Variants in TBRG4 observed in about 807,000 individuals in gnomAD.
TBRG4 encodes transforming growth factor beta regulator 4.
Under a neutral mutation model 65.6 loss-of-function variants are expected in TBRG4, and 43 were observed. The observed-to-expected ratio is 0.66, with a 90% confidence interval of 0.51 to 0.85. The LOEUF (loss-of-function observed/expected upper bound fraction) is 0.85. Among genes scored for constraint, TBRG4 ranks in the 40% least tolerant of loss-of-function variants. The probability of loss-of-function intolerance (pLI) is 0.00; values close to 1 mark genes in which losing one functional copy is unlikely to be tolerated. For synonymous variants in TBRG4, 366 were observed against 341.4 expected (o/e 1.07, Z -0.79); for missense variants, 709 against 787.9 (o/e 0.90, Z 1.20).
At chr7:45,104,997 A>C (rs1562936133) in intron 3 of TBRG4, 2 of 743,840 alleles carry the variant, frequency 2.7e-6, no homozygotes, top group Non-Finnish European at 4.9e-6. Flanking sequence ...CATCTGGGCC[A>C]GCCCCCGCTA....
Position 45,109,223 on chromosome 7 carries a change from C to A in TBRG4, c.15G>T (p.Leu5=). 6.3e-7 allele frequency: 1 copy of A among 1,598,124 alleles called. No individual in the cohort carries two copies. The highest frequency in any genetic ancestry group is 8.5e-7 in the Non-Finnish European group (1 of 1,172,150). The change falls in exon 2 of 11, where the codon CTG becomes CTT. Residue 5 remains leucine, a synonymous_variant. Transcript: ENST00000258770. MAAH[L]VKRCTCLLRE... is the part of the protein sequence containing the mutation. ...TCAGGAGGCACGTGCATCGCTTTAC[C>A]AGGTGAGCTGCCATGATGTCCTGGG...
intron 10 of TBRG4, 30 bp downstream of exon 10, chr7:45,101,228 G>T: frequency 6.2e-7 from 1 of 1,600,900 alleles, no homozygotes; most frequent in Non-Finnish European, 8.5e-7. Flanking sequence ...TTCTCCCTGT[G>T]CAGTGACCAC....
intron 4 of TBRG4, 83 bp from the exon 5 acceptor site, chr7:45,104,339 T>C: frequency 1.2e-6 from 2 of 1,602,654 alleles, no homozygotes; most frequent in Non-Finnish European, 8.5e-7. Flanking sequence ...AGCCTCGAGG[T>C]CTAGATATTT....
rs139930039 is a variant in TBRG4 at position 45,109,143 on chromosome 7, G to A, written c.95C>T (p.Ala32Val). 1 of 1,614,166 alleles carries A rather than the reference G, an allele frequency of 6.2e-7. No homozygotes were observed. The highest frequency in any genetic ancestry group is 1.7e-5 in the Admixed American group (1 of 60,024). ...AMAPVGRLRL[A>V]WVAHKTLTSS... ...AGTCAGAGTCTTATGGGCTACCCAGGCAAGTCTCAGTCGGCCAACTGGAGC... is the reference window on the plus strand; with the variant it reads ...AGTCAGAGTCTTATGGGCTACCCAGACAAGTCTCAGTCGGCCAACTGGAGC... Residue 32 changes from alanine (A) to valine (V), a missense_variant, in exon 2 of 11, where the codon GCC (alanine) becomes GTC (valine). By Grantham distance (64) the Ala-to-Val change is moderately conservative. Coordinates refer to ENST00000258770, the MANE Select transcript of TBRG4 (RefSeq NM_004749.4).
intron 1 of TBRG4, among the ~76,000 whole-genome samples, chr7:45,109,593 G>C (rs1025007862): frequency 2.6e-5 from 4 of 152,072 alleles, no homozygotes; most frequent in Non-Finnish European, 5.9e-5. Context: ...TCCTGCCCAA[G>C]GCCTCCTAAA....
Position 45,105,347 on chromosome 7 carries a change from A to T in TBRG4, c.735+94T>A. ...TCCCAGGGCTCTGATCCCAGTGCAC[A>T]CAACGCACCCCTCTGCAGACAACTG... On this transcript the variant is annotated intron_variant, in intron 3 of 10. Transcript: ENST00000258770. The T allele has an allele frequency of 8.0e-6, 11 of 1,376,150 alleles. No individual in the cohort carries two copies. The South Asian group carries it at 1.5e-4, about 19-fold the overall frequency. The allele number at this position is 1,376,150 out of a possible 1,614,324, so 85.2% of individuals were successfully genotyped here. A position where few individuals can be genotyped will look rare whatever the true frequency, so the allele number is the denominator to read the frequency against.
chr7:45,105,207 C>T (rs1562936249), intron 3 of TBRG4: 14 of 611,694 alleles, frequency 2.3e-5, no homozygotes, highest in East Asian at 1.7e-4. Context: ...AGGGAAGCGC[C>T]TGTGTTGGGA....
At chr7:45,103,211 A>C in intron 6 of TBRG4, 122 bp downstream of exon 6, 6 of 739,540 alleles carry the variant, frequency 8.1e-6, no homozygotes, top group Non-Finnish European at 1.4e-5. Context: ...CTGCCCTCCC[A>C]TGCCACACAT....
In TBRG4 at chr7:45,109,176, G is replaced by C. The variant is rs1476842532; in HGVS notation, c.62C>G (p.Pro21Arg). 1.2e-6 allele frequency: 2 copies of C among 1,613,534 alleles called. No individual in the cohort carries two copies. Among genetic ancestry groups the C allele is most frequent in the African/African-American group, 1.3e-5 (1 of 74,918 alleles). ...CLLREAARQAPAMAPVGRLRL... is the reference protein window; with the variant it reads ...CLLREAARQARAMAPVGRLRL... ...CAGTCGGCCAACTGGAGCCATGGCAGGGGCCTGACGAGCAGCTTCTCTCAG... is the reference window on the plus strand; with the variant it reads ...CAGTCGGCCAACTGGAGCCATGGCACGGGCCTGACGAGCAGCTTCTCTCAG... Residue 21 changes from proline to arginine, a missense_variant, in exon 2 of 11, where the codon CCT becomes CGT. Pro to Arg is a moderately radical substitution (Grantham distance 103). Coordinates refer to ENST00000258770, the MANE Select transcript of TBRG4 (RefSeq NM_004749.4).
At chr7:45,109,435 A>C in intron 1 of TBRG4, 148 bp from the exon 2 acceptor site, 1 of 657,172 alleles carries the variant, frequency 1.5e-6, no homozygotes, top group Non-Finnish European at 2.3e-6. Context: ...GTATTTTCTA[A>C]AGCAAAAGTC....
chr7:45,104,304 T>C, intron 4 of TBRG4, 48 bp from the exon 5 acceptor site: 2 of 1,611,736 alleles, frequency 1.2e-6, no homozygotes, highest in Non-Finnish European at 1.7e-6. Flanking sequence ...GAGTCAGCAA[T>C]CACCCAGCAG....
rs1246895319 is a variant in TBRG4, at chr7:45,105,514, G to T, written c.662C>A (p.Ser221Tyr). ...CATCATGACGGTCACTAATGTGTGG[G>T]AATCTTCAATTTCTGTCCAACGCCT... ...LERRWTEIED[S>Y]HTLVTVMMKV... Residue 221 changes from serine (S) to tyrosine (Y), a missense_variant, in exon 3 of 11, where the codon TCC becomes TAC. Transcript: ENST00000258770. The T allele has an allele frequency of 1.2e-6, 2 of 1,614,068 alleles. No homozygotes were observed. The highest frequency in any genetic ancestry group is 1.7e-6 in the Non-Finnish European group (2 of 1,180,044).
intron 7 of TBRG4, 97 bp from the exon 8 acceptor site, chr7:45,102,167 CCA>C: frequency 6.5e-6 from 10 of 1,529,948 alleles, no homozygotes; most frequent in Non-Finnish European, 8.8e-6. Context: ...CAGTCCCAGC[CCA>C]GTTTTCTGGG....
In TBRG4 at chr7:45,100,214, C is replaced by A; in HGVS notation, c.*111G>T. Reference sequence around the variant, plus strand: ...CCCTCAGAGTGGCTGGCCACCCTCCCCACTCTGGCCAAGGTCCTGCACAGA... The same window carrying A: ...CCCTCAGAGTGGCTGGCCACCCTCCACACTCTGGCCAAGGTCCTGCACAGA... On this transcript the variant is annotated 3_prime_UTR_variant, in exon 11 of 11. Coordinates refer to ENST00000258770, the MANE Select transcript of TBRG4 (RefSeq NM_004749.4). The A allele has an allele frequency of 1.2e-6, 1 of 810,570 alleles. No individual in the cohort carries two copies. Among genetic ancestry groups the A allele is most frequent in the South Asian group, 1.8e-5 (1 of 56,358 alleles). 50.2% of individuals were successfully genotyped at this position (810,570 alleles called of 1,614,324 possible). A position where few individuals can be genotyped will look rare whatever the true frequency, so the allele number is the denominator to read the frequency against.
In TBRG4 at chr7:45,110,309, C is replaced by T. The variant is rs116443946; in HGVS notation, c.-50-1022G>A. ...ACCCTTTAAAATACATCTCATCCTT[C>T]CAAGGCCAAACTCAATGTTGCCATC... On this transcript the variant is annotated intron_variant, in intron 1 of 10. Coordinates refer to ENST00000258770, the MANE Select transcript of TBRG4 (RefSeq NM_004749.4). Among the ~76,000 whole-genome samples, 442 of 152,308 alleles carry T rather than the reference C, an allele frequency of 2.9e-3. 5 individuals carry two copies. The highest frequency in any genetic ancestry group is 9.9e-3 in the African/African-American group (413 of 41,572).
At chr7:45,104,769 G>C in intron 3 of TBRG4, 60 bp from the exon 4 acceptor site, 1 of 1,591,006 alleles carries the variant, frequency 6.3e-7, no homozygotes. Context: ...AGATGAGCTG[G>C]GGGCAGGGGT....
chr7:45,110,699 C>T (rs1785102095), intron 1 of TBRG4: 1 of 151,558 alleles, frequency 6.6e-6, no homozygotes, highest in Admixed American at 6.6e-5. Flanking sequence ...ACGGTGATTA[C>T]ATGATCCAGG....
At chr7:45,104,290 G>A in intron 4 of TBRG4, 34 bp from the exon 5 acceptor site, 3 of 1,612,588 alleles carry the variant, frequency 1.9e-6, no homozygotes, top group Non-Finnish European at 2.5e-6. Context: ...GGTTTAGCTG[G>A]AGAGAGTCAG....
intron 1 of TBRG4, among the ~76,000 whole-genome samples, chr7:45,110,446 C>G (rs1584036933): frequency 6.6e-6 from 1 of 152,130 alleles, no homozygotes; most frequent in Non-Finnish European, 1.5e-5. Context: ...GCGGGCAGAT[C>G]ACGAGGTCAG....
Sources: gnomAD v4.1 joint callset for allele counts (sites outside exome capture counted in the v4.1 genomes callset) on GRCh38, gnomAD v4.1.1 for gene constraint, MANE v1.5 for transcripts, NCBI Gene and HGNC (gene_info 2026-07-23, HGNC 2026-07-21) for gene names.